ANO2: variants seen among roughly 807,000 people sequenced by gnomAD.
ANO2 encodes anoctamin-2.
Under a neutral mutation model 124.2 loss-of-function variants are expected in ANO2, and 101 were observed. That is an observed-to-expected ratio of 0.81 (90% CI 0.69 to 0.96). The LOEUF (loss-of-function observed/expected upper bound fraction) is 0.96, where lower values mean the gene tolerates loss of function less well. Among genes scored for constraint, ANO2 ranks in the 40% least tolerant of loss-of-function variants. The probability of loss-of-function intolerance (pLI) is 0.00; values close to 1 mark genes in which losing one functional copy is unlikely to be tolerated. For synonymous variants in ANO2, 486 were observed against 482.5 expected (o/e 1.01, Z -0.09); for missense variants, 1,293 against 1,274.5 (o/e 1.01, Z -0.22).
At chr12:5,926,775 G>C (rs1320560599) in intron 1 of ANO2, among the ~76,000 whole-genome samples, 1 of 152,196 alleles carries the variant, frequency 6.6e-6, no homozygotes, top group Non-Finnish European at 1.5e-5. Flanking sequence ...GGGTTGTGCA[G>C]GATTGGGAGG....
intron 10 of ANO2, among the ~76,000 whole-genome samples, chr12:5,775,803 T>C (rs991645956): frequency 7.2e-5 from 11 of 152,214 alleles, no homozygotes; most frequent in African/African-American, 2.7e-4. Context: ...CTTTTGCCTC[T>C]GAGACTGTGT....
At chr12:5,921,817 G>A (rs536145215) in intron 2 of ANO2, among the ~76,000 whole-genome samples, 7 of 152,158 alleles carry the variant, frequency 4.6e-5, no homozygotes, top group African/African-American at 1.4e-4. Context: ...GTGTACACGC[G>A]TATCTACCCG....
chr12:5,663,803 G>A (rs1305704698), intron 14 of ANO2, among the ~76,000 whole-genome samples: 2 of 152,202 alleles, frequency 1.3e-5, no homozygotes, highest in Non-Finnish European at 2.9e-5. Context: ...CTGATAGGCT[G>A]GTCGGGTCAG....
In ANO2 at chr12:5,791,554, C is replaced by T. The variant is rs77590080; in HGVS notation, c.1055+7953G>A. On this transcript the variant is annotated intron_variant, in intron 10 of 24. Transcript: ENST00000682330. Reference sequence around the variant, plus strand: ...AGGGCTGGAACCCCAGCTAGCCTGACATCCACTGAATGGAACTCTGGGGCA... The same window carrying T: ...AGGGCTGGAACCCCAGCTAGCCTGATATCCACTGAATGGAACTCTGGGGCA... Among the ~76,000 whole-genome samples, 337 of 152,312 alleles carry T rather than the reference C, an allele frequency of 2.2e-3. 7 individuals are homozygous for T. The East Asian group carries it at 0.054, about 24-fold the overall frequency.
At chr12:5,756,520 G>C (rs942295067) in intron 10 of ANO2, among the ~76,000 whole-genome samples, 1 of 152,224 alleles carries the variant, frequency 6.6e-6, no homozygotes, top group Non-Finnish European at 1.5e-5. Flanking sequence ...ACCTTCATCA[G>C]TCATGCTGGT....
chr12:5,728,653 T>C (rs1026694873), intron 14 of ANO2, among the ~76,000 whole-genome samples: 2 of 152,082 alleles, frequency 1.3e-5, no homozygotes. Flanking sequence ...ATGAAGTTCA[T>C]ATGGAAATGC....
intron 14 of ANO2, among the ~76,000 whole-genome samples, chr12:5,703,375 C>T (rs1237575473): frequency 1.3e-5 from 2 of 152,022 alleles, no homozygotes; most frequent in Non-Finnish European, 2.9e-5. Context: ...GCAGTGGTAA[C>T]GTCAAGGAAG....
At chr12:5,818,468 TATATATATATATATATATATATATA>T (rs1953682700) in intron 7 of ANO2, among the ~76,000 whole-genome samples, 1 of 81,630 alleles carries the variant, frequency 1.2e-5, no homozygotes. Context: ...TATATATATA[TATATATATATATATATATATATATA>T]TGGATATGTA....
chr12:5,942,613 C>T (rs1300272424), intron 1 of ANO2, among the ~76,000 whole-genome samples: 1 of 151,922 alleles, frequency 6.6e-6, no homozygotes, highest in African/African-American at 2.4e-5. Flanking sequence ...CTGCTGCAGC[C>T]CTTAGCTTCC....
chr12:5,722,610 A>G (rs755072583), intron 14 of ANO2, among the ~76,000 whole-genome samples: 10 of 152,212 alleles, frequency 6.6e-5, no homozygotes, highest in Non-Finnish European at 1.2e-4. Context: ...GGGCTTCCCT[A>G]AGAAATGTTT....
chr12:5,696,957 T>C (rs1949208317), intron 14 of ANO2, among the ~76,000 whole-genome samples: 1 of 152,220 alleles, frequency 6.6e-6, no homozygotes, highest in African/African-American at 2.4e-5. Flanking sequence ...AAACTTTCTG[T>C]AATCTGATAA....
At position 5,760,520 on chromosome 12, in the gene ANO2, T is replaced by C. The variant is rs959176542; in HGVS notation, c.1056-9550A>G. ...TATCTTAATGGTACCTATGGTAAGA[T>C]CTAATTGAAAAGAGGACACAGAAGA... is the stretch of plus-strand genomic sequence containing the variant. On this transcript the variant is annotated intron_variant, in intron 10 of 24. Transcript: ENST00000682330. Among the ~76,000 whole-genome samples, 8 of 152,174 alleles carry C rather than the reference T, an allele frequency of 5.3e-5. 1 individual carries two copies. Among genetic ancestry groups the C allele is most frequent in the Admixed American group, 4.6e-4 (7 of 15,270 alleles).
At chr12:5,568,507 C>T (rs1019748080) in intron 23 of ANO2, among the ~76,000 whole-genome samples, 1 of 152,150 alleles carries the variant, frequency 6.6e-6, no homozygotes, top group Admixed American at 6.5e-5. Context: ...TAAGCCCCTA[C>T]CACCAGGTAA....
intron 10 of ANO2, among the ~76,000 whole-genome samples, chr12:5,779,942 C>T (rs764393673): frequency 6.6e-6 from 1 of 151,930 alleles, no homozygotes; most frequent in South Asian, 2.1e-4. Flanking sequence ...GGTTGATTCT[C>T]GGACTAAAAA....
chr12:5,799,497 C>A lies in ANO2; in HGVS notation c.1055+10G>T. 6.2e-7 allele frequency: 1 copy of A among 1,612,470 alleles called. No individual in the cohort carries two copies. Among genetic ancestry groups the A allele is most frequent in the Non-Finnish European group, 8.5e-7 (1 of 1,178,836 alleles). ...CAGGATACTTCCAAAAGTTCCCTAC[C>A]ACCTCTTACCTGATGAGGTCAATAG... On this transcript the variant is annotated intron_variant, in intron 10 of 24. Coordinates refer to ENST00000682330, the MANE Select transcript of ANO2 (RefSeq NM_001364791.2).
At chr12:5,768,692 A>C (rs1951974404) in intron 10 of ANO2, among the ~76,000 whole-genome samples, 1 of 152,080 alleles carries the variant, frequency 6.6e-6, no homozygotes, top group Non-Finnish European at 1.5e-5. Context: ...GGACTGACCC[A>C]TGCCTGTACG....
chr12:5,580,636 GA>G (rs1485979119), intron 20 of ANO2, among the ~76,000 whole-genome samples: 1 of 152,162 alleles, frequency 6.6e-6, no homozygotes, highest in Non-Finnish European at 1.5e-5. Context: ...AATGAAGAAT[GA>G]AAAAACTGAC....
intron 8 of ANO2, among the ~76,000 whole-genome samples, chr12:5,806,845 G>C (rs1953211267): frequency 6.6e-6 from 1 of 152,048 alleles, no homozygotes; most frequent in East Asian, 1.9e-4. Flanking sequence ...GCATGTTAAG[G>C]AGGAATTTCA....
chr12:5,893,175 G>A (rs1939527611), intron 3 of ANO2, among the ~76,000 whole-genome samples: 1 of 152,066 alleles, frequency 6.6e-6, no homozygotes, highest in Admixed American at 6.6e-5. Flanking sequence ...CTGGACATTG[G>A]CTTAGGCAAA....
Sources: allele counts gnomAD v4.1 joint callset (sites outside exome capture counted in the v4.1 genomes callset), GRCh38; gene constraint gnomAD v4.1.1; transcripts MANE v1.5; gene names NCBI Gene and HGNC (gene_info 2026-07-23, HGNC 2026-07-21).